FARS2: variants seen among roughly 807,000 people sequenced by gnomAD.
FARS2 encodes the protein phenylalanine--tRNA ligase, mitochondrial.
Under a neutral mutation model 46.4 loss-of-function variants are expected in FARS2, and 40 were observed. The ratio of observed to expected loss-of-function variants is 0.86; its 90% CI spans 0.67 to 1.12. The LOEUF is 1.12. Ranked by LOEUF, FARS2 falls within the 50% of genes most tolerant of loss-of-function variation. The probability of loss-of-function intolerance (pLI) is 0.00; values close to 1 mark genes in which losing one functional copy is unlikely to be tolerated. For missense variants in FARS2, 513 were observed against 567.9 expected (o/e 0.90, Z 0.98); for synonymous variants, 234 against 214.9 (o/e 1.09, Z -0.78).
intron 3 of FARS2, among the ~76,000 whole-genome samples, chr6:5,407,199 G>T (rs1387241506): frequency 6.6e-6 from 1 of 151,758 alleles, no homozygotes; most frequent in African/African-American, 2.4e-5. Context: ...AAGGTGTAGA[G>T]AAATAGAGTA....
At chr6:5,266,832 A>G (rs1396696432) in intron 1 of FARS2, among the ~76,000 whole-genome samples, 1 of 152,212 alleles carries the variant, frequency 6.6e-6, no homozygotes, top group Non-Finnish European at 1.5e-5. Context: ...GTTATTTAAG[A>G]TAAATTTACA....
intron 6 of FARS2, among the ~76,000 whole-genome samples, chr6:5,735,425 G>A (rs1002726418): frequency 9.2e-5 from 14 of 152,180 alleles, no homozygotes; most frequent in African/African-American, 3.4e-4. Context: ...TAAGGGCTTG[G>A]AGCTTTGGAG....
intron 4 of FARS2, among the ~76,000 whole-genome samples, chr6:5,482,332 G>C (rs545497588): frequency 3.3e-5 from 5 of 152,186 alleles, no homozygotes; most frequent in African/African-American, 1.2e-4. Context: ...TCTCTGATTT[G>C]ATGCAATATG....
chr6:5,276,992 A>G lies in FARS2; in HGVS notation c.-22+15332A>G, dbSNP rs150034283. Among the ~76,000 whole-genome samples the G allele has an allele frequency of 4.4e-3, 663 of 152,328 alleles. 1 individual carries two copies. The highest frequency in any genetic ancestry group is 6.8e-3 in the Middle Eastern group (2 of 294). ...GCTCAGTATCTCCTGAGCCAGCCTC[A>G]GTGCATTGTGGTGTAAAGAGAAATA... On this transcript the variant is annotated intron_variant, in intron 1 of 6. Transcript: ENST00000274680.
At chr6:5,660,650 G>GAAAAA (rs58377881) in intron 6 of FARS2, among the ~76,000 whole-genome samples, 1 of 104,130 alleles carries the variant, frequency 9.6e-6, no homozygotes, top group African/African-American at 3.9e-5. Flanking sequence ...CCCTGTCTCA[G>GAAAAA]AAAAAAAAAA....
intron 4 of FARS2, among the ~76,000 whole-genome samples, chr6:5,437,160 T>G (rs1033977856): frequency 1.3e-5 from 2 of 152,190 alleles, no homozygotes; most frequent in South Asian, 4.1e-4. Context: ...AATTGTACAG[T>G]GTGTATTCAT....
intron 1 of FARS2, among the ~76,000 whole-genome samples, chr6:5,347,764 C>T (rs1757329860): frequency 6.6e-6 from 1 of 152,148 alleles, no homozygotes; most frequent in Non-Finnish European, 1.5e-5. Context: ...TACAACGTCA[C>T]CAACAAATCA....
chr6:5,394,441 TAG>T (rs1760769162), intron 2 of FARS2, among the ~76,000 whole-genome samples: 1 of 152,194 alleles, frequency 6.6e-6, no homozygotes, highest in African/African-American at 2.4e-5. Context: ...CTATACCATC[TAG>T]GTTTGCGTGA....
chr6:5,399,522 T>C (rs1761127050), intron 2 of FARS2, among the ~76,000 whole-genome samples: 1 of 152,142 alleles, frequency 6.6e-6, no homozygotes. Context: ...CTCAGAACTA[T>C]ACAACAAGGT....
chr6:5,410,313 C>G (rs555244208), intron 3 of FARS2, among the ~76,000 whole-genome samples: 2 of 152,202 alleles, frequency 1.3e-5, no homozygotes, highest in East Asian at 3.9e-4. Flanking sequence ...GCCACCACAC[C>G]TGGCTACTTT....
At position 5,494,633 on chromosome 6, in the gene FARS2, A is replaced by G. The variant is rs536890579; in HGVS notation, c.905-50547A>G. 8.2e-4 allele frequency among the ~76,000 whole-genome samples: 125 copies of G among 152,016 alleles called. 1 individual carries two copies. The highest frequency in any genetic ancestry group is 2.8e-3 in the African/African-American group (118 of 41,456). On this transcript the variant is annotated intron_variant, in intron 4 of 6. Transcript: ENST00000274680. ...TAATTCTCTTCTCTCTCTTCCTACTACCCATCCTTTCCACTTGGAGTATTC... is the reference window on the plus strand; with the variant it reads ...TAATTCTCTTCTCTCTCTTCCTACTGCCCATCCTTTCCACTTGGAGTATTC...
At chr6:5,740,817 C>T (rs1277659368) in intron 6 of FARS2, among the ~76,000 whole-genome samples, 2 of 152,192 alleles carry the variant, frequency 1.3e-5, no homozygotes, top group South Asian at 2.1e-4. Flanking sequence ...CTCCAGGATC[C>T]GTGTTGTACT....
chr6:5,665,287 C>G (rs1267392859), intron 6 of FARS2: 1 of 152,464 alleles, frequency 6.6e-6, no homozygotes, highest in Non-Finnish European at 1.5e-5. Flanking sequence ...GGCCATGGTT[C>G]TGCGGGCTCT....
intron 5 of FARS2, among the ~76,000 whole-genome samples, chr6:5,603,331 C>G (rs755449173): frequency 6.6e-6 from 1 of 152,134 alleles, no homozygotes; most frequent in African/African-American, 2.4e-5. Context: ...TAGATTTAGA[C>G]AGCTTGTTAC....
chr6:5,599,481 TTAAG>T (rs1774387399), intron 5 of FARS2, among the ~76,000 whole-genome samples: 2 of 152,144 alleles, frequency 1.3e-5, no homozygotes, highest in South Asian at 2.1e-4. Context: ...ACGTAAAAGA[TTAAG>T]TGTTTGGTAA....
At chr6:5,313,701 T>A (rs1769252153) in intron 1 of FARS2, among the ~76,000 whole-genome samples, 1 of 152,026 alleles carries the variant, frequency 6.6e-6, no homozygotes, top group Non-Finnish European at 1.5e-5. Context: ...CATAAGAAAG[T>A]ATTGAAAACA....
rs573783562 is a variant in FARS2 at position 5,282,293 on chromosome 6, A to G, written c.-22+20633A>G. On this transcript the variant is annotated intron_variant, in intron 1 of 6. Transcript: ENST00000274680. ...CAGCCTATCATTGCCGTGGCTGCTT[A>G]GAAGGAAGCAGCAGCAAGCAGGCAT... Among the ~76,000 whole-genome samples, 4 of 152,294 alleles carry G rather than the reference A, an allele frequency of 2.6e-5. No individual in the cohort carries two copies. In the South Asian group the frequency reaches 8.3e-4, roughly 32 times the overall value.
chr6:5,432,327 A>ATAT (rs1331215297), intron 4 of FARS2, among the ~76,000 whole-genome samples: 616 of 60,772 alleles, frequency 0.01, 2 homozygotes, highest in Non-Finnish European at 0.014. Context: ...AAAAAAAAAA[A>ATAT]ATATATATAT....
chr6:5,303,019 T>C (rs1768432017), intron 1 of FARS2, among the ~76,000 whole-genome samples: 1 of 152,190 alleles, frequency 6.6e-6, no homozygotes, highest in South Asian at 2.1e-4. Flanking sequence ...TGTTGTTTCA[T>C]TTGACCCTTA....
Sources: allele counts gnomAD v4.1 joint callset (sites outside exome capture counted in the v4.1 genomes callset), GRCh38; gene constraint gnomAD v4.1.1; transcripts MANE v1.5; gene names NCBI Gene and HGNC (gene_info 2026-07-23, HGNC 2026-07-21).